Variants in FBN2 observed in about 807,000 individuals in gnomAD.
FBN2 encodes fibrillin 2.
In FBN2, 105 loss-of-function variants were observed where a neutral mutation model predicts 355.6. The observed-to-expected ratio is 0.30, with a 90% CI of 0.25 to 0.35. FBN2 has a LOEUF of 0.35. Among genes scored for constraint, FBN2 ranks in the 10% least tolerant of loss-of-function variants. The pLI, the probability that FBN2 is intolerant of heterozygous loss-of-function variation, is 1.00. For synonymous variants in FBN2, 1,350 were observed against 1,301.2 expected (o/e 1.04, Z -0.81); for missense variants, 3,280 against 3,758.7 (o/e 0.87, Z 3.33).
At chr5:128,358,807 C>A (rs1008448819) in intron 19 of FBN2, among the ~76,000 whole-genome samples, 4 of 151,774 alleles carry the variant, frequency 2.6e-5, no homozygotes, top group East Asian at 1.9e-4. Context: ...TTGTAAGAAG[C>A]CTGAAAAAAG....
chr5:128,277,826 A>G, intron 58 of FBN2, 54 bp downstream of exon 58: 1 of 1,598,278 alleles, frequency 6.3e-7, no homozygotes, highest in Non-Finnish European at 8.6e-7. Flanking sequence ...GACTTGCAGG[A>G]AACAGTAGCT....
chr5:128,361,600 A>C, intron 19 of FBN2, 123 bp downstream of exon 19: 2 of 1,248,256 alleles, frequency 1.6e-6, no homozygotes, highest in South Asian at 2.5e-5. Context: ...TAGCTAAATG[A>C]GATTATAAAA....
intron 31 of FBN2, among the ~76,000 whole-genome samples, chr5:128,333,737 T>C (rs1302832365): frequency 6.6e-6 from 1 of 151,734 alleles, no homozygotes; most frequent in Non-Finnish European, 1.5e-5. Flanking sequence ...TCCCTATATA[T>C]GTATGTATAA....
At chr5:128,449,071 G>C (rs1005392432) in intron 6 of FBN2, among the ~76,000 whole-genome samples, 9 of 151,720 alleles carry the variant, frequency 5.9e-5, no homozygotes, top group Non-Finnish European at 1.3e-4. Flanking sequence ...ATGAAAAGCA[G>C]TAGGAATGGT....
At chr5:128,329,756 C>G (rs1043778462) in intron 33 of FBN2, among the ~76,000 whole-genome samples, 1 of 152,052 alleles carries the variant, frequency 6.6e-6, no homozygotes. Flanking sequence ...TTTTTGATGT[C>G]CACAATTTGA....
Position 128,537,890 on chromosome 5 carries a change from G to T in FBN2, c.-287C>A. 1 of 507,654 alleles carries T rather than the reference G, an allele frequency of 2.0e-6. No homozygotes were observed. Among genetic ancestry groups the T allele is most frequent in the Non-Finnish European group, 3.5e-6 (1 of 287,376 alleles). 31.4% of individuals were successfully genotyped at this position (507,654 alleles called of 1,614,324 possible). ...GTACACGTTGCATAACCGGCCTAAA[G>T]CCCCGAGCGACTCCAGGACCGTCAG... On this transcript the variant is annotated 5_prime_UTR_variant, in exon 1 of 65. Transcript: ENST00000262464.
intron 7 of FBN2, among the ~76,000 whole-genome samples, chr5:128,438,241 C>G (rs1288379433): frequency 6.6e-6 from 1 of 152,234 alleles, no homozygotes; most frequent in Non-Finnish European, 1.5e-5. Context: ...GATCTGCCTG[C>G]CTTAGCCTCC....
At chr5:128,317,280 T>A (rs569825421) in intron 36 of FBN2, among the ~76,000 whole-genome samples, 50 of 152,214 alleles carry the variant, frequency 3.3e-4, no homozygotes, top group Non-Finnish European at 6.0e-4. Context: ...GCAGAGAATG[T>A]GCTTGTTCTG....
At chr5:128,518,908 T>C (rs1432947467) in intron 5 of FBN2, among the ~76,000 whole-genome samples, 2 of 152,184 alleles carry the variant, frequency 1.3e-5, no homozygotes, top group African/African-American at 4.8e-5. Context: ...TCAGATTTTG[T>C]GGGGTTTGCA....
intron 49 of FBN2, 28 bp downstream of exon 49, chr5:128,291,501 G>A (rs1749320791): frequency 6.2e-7 from 1 of 1,612,878 alleles, no homozygotes; most frequent in Non-Finnish European, 8.5e-7. Context: ...AGCGTGAACT[G>A]TGACAGTGAA....
chr5:128,481,685 T>G (rs888796334), intron 5 of FBN2, among the ~76,000 whole-genome samples: 22 of 152,284 alleles, frequency 1.4e-4, no homozygotes, highest in African/African-American at 5.3e-4. Flanking sequence ...CCTCCAAAAA[T>G]TAGAGAAATA....
intron 5 of FBN2, among the ~76,000 whole-genome samples, chr5:128,489,891 G>A (rs1755453431): frequency 6.6e-6 from 1 of 152,198 alleles, no homozygotes; most frequent in Non-Finnish European, 1.5e-5. Flanking sequence ...GACTACAGAT[G>A]TAGGAGCATA....
intron 21 of FBN2, among the ~76,000 whole-genome samples, chr5:128,350,259 A>G (rs1488768389): frequency 1.3e-5 from 2 of 152,216 alleles, no homozygotes; most frequent in Non-Finnish European, 2.9e-5. Context: ...CACATTGACA[A>G]CTGAGTTAAA....
rs772519296 is a variant in FBN2, at chr5:128,345,583, A to G, written c.2991T>C (p.Asp997=). The change falls in exon 24 of 65, where the codon GAT becomes GAC. Residue 997 remains aspartate (D), a splice_region_variant and synonymous_variant. Coordinates refer to ENST00000262464, the MANE Select transcript of FBN2 (RefSeq NM_001999.4). Reference sequence around the variant, plus strand: ...TCAAGTAACACTGCTCCATGCGAATATCTACACCGAGAACGAAATCACAGG... The same window carrying G: ...TCAAGTAACACTGCTCCATGCGAATGTCTACACCGAGAACGAAATCACAGG... ...TLDGTGRVCL[D]IRMEQCYLKW... 1 of 1,612,120 alleles carries G rather than the reference A, an allele frequency of 6.2e-7. No individual in the cohort carries two copies. The highest frequency in any genetic ancestry group is 1.1e-5 in the South Asian group (1 of 91,042).
chr5:128,480,702 G>C (rs1755159979), intron 5 of FBN2, among the ~76,000 whole-genome samples: 1 of 152,150 alleles, frequency 6.6e-6, no homozygotes, highest in African/African-American at 2.4e-5. Context: ...GCCAGCCTGG[G>C]CGACAGAGCG....
At chr5:128,418,805 T>C (rs1022303617) in intron 7 of FBN2, among the ~76,000 whole-genome samples, 1 of 152,208 alleles carries the variant, frequency 6.6e-6, no homozygotes, top group Admixed American at 6.5e-5. Flanking sequence ...TCCTGGAGAA[T>C]ATTCTATGTG....
At chr5:128,367,810 T>C (rs867692310) in intron 16 of FBN2, among the ~76,000 whole-genome samples, 33 of 152,260 alleles carry the variant, frequency 2.2e-4, no homozygotes, top group Middle Eastern at 6.8e-3. Context: ...TGAACTTATT[T>C]GATAATATGC....
In FBN2 at chr5:128,446,869, C is replaced by A. The variant is rs141194324; in HGVS notation, c.827-263G>T. On this transcript the variant is annotated intron_variant, in intron 6 of 64. Coordinates refer to ENST00000262464, the MANE Select transcript of FBN2 (RefSeq NM_001999.4). ...CCATCCTGTTGTGGGAAGTCAGGGA[C>A]CCCGAACGGAGGGACCGGCTGAAGC... Among the ~76,000 whole-genome samples the A allele has an allele frequency of 9.8e-3, 1,495 of 152,146 alleles. 21 individuals carry two copies. The highest frequency in any genetic ancestry group is 0.034 in the African/African-American group (1,396 of 41,496).
chr5:128,360,318 T>C (rs1451205927), intron 19 of FBN2, among the ~76,000 whole-genome samples: 1 of 152,114 alleles, frequency 6.6e-6, no homozygotes, highest in Non-Finnish European at 1.5e-5. Context: ...AGAGACTCTG[T>C]AGTTGAATAC....
Sources: allele counts gnomAD v4.1 joint callset (sites outside exome capture counted in the v4.1 genomes callset), GRCh38; gene constraint gnomAD v4.1.1; transcripts MANE v1.5; gene names NCBI Gene and HGNC (gene_info 2026-07-23, HGNC 2026-07-21).